The following TASP1 variants were observed in gnomAD, a reference collection of about 807,000 sequenced individuals.
TASP1 encodes the protein taspase 1.
In TASP1, 16 loss-of-function variants were observed where a neutral mutation model predicts 56.6. The observed-to-expected ratio is 0.28, with a 90% CI of 0.19 to 0.43. The LOEUF is 0.43. TASP1 is among the 20% of genes least tolerant of loss of function. The pLI is 1.00. For synonymous variants in TASP1, 179 were observed against 184.2 expected, an observed-to-expected ratio of 0.97 and a Z score of 0.23; for missense variants, 393 against 511.6, an observed-to-expected ratio of 0.77 and a Z score of 2.24.
intron 10 of TASP1, among the ~76,000 whole-genome samples, chr20:13,516,265 GGGCCATGAAGCA>G (rs1160690416): frequency 6.6e-6 from 1 of 152,096 alleles, no homozygotes; most frequent in Admixed American, 6.6e-5. Context: ...AGTCCAGCAA[GGGCCATGAAGCA>G]GCATGTCACA....
the TASP1 span, among the ~76,000 whole-genome samples, chr20:13,349,092 C>T: frequency 2.0e-5 from 3 of 152,096 alleles, no homozygotes; most frequent in African/African-American, 7.2e-5. Flanking sequence ...GATGGAACCT[C>T]GATGTCTGGA....
intron 10 of TASP1, among the ~76,000 whole-genome samples, chr20:13,520,757 G>T (rs1459013545): frequency 2.0e-5 from 3 of 152,126 alleles, no homozygotes; most frequent in South Asian, 4.1e-4. Flanking sequence ...GGCAACAAAA[G>T]CCAAAATTGA....
chr20:13,324,491 T>C, the TASP1 span, among the ~76,000 whole-genome samples: 1 of 152,200 alleles, frequency 6.6e-6, no homozygotes, highest in Non-Finnish European at 1.5e-5. Context: ...TTTACATCCT[T>C]ACTTCTCACT....
At chr20:13,485,676 C>T (rs554074575) in intron 10 of TASP1, among the ~76,000 whole-genome samples, 18 of 152,132 alleles carry the variant, frequency 1.2e-4, no homozygotes, top group Middle Eastern at 6.8e-3. Context: ...TTTTTATAAT[C>T]GGGAAAAAGA....
At chr20:13,387,685 G>A (rs1263981802), downstream of TASP1, among the ~76,000 whole-genome samples, 1 of 152,200 alleles carries the variant, frequency 6.6e-6, no homozygotes, top group African/African-American at 2.4e-5. Context: ...ACCTAGTAAT[G>A]GGATTATTGG....
chr20:13,164,919 C>T, the TASP1 span: 2 of 1,451,434 alleles, frequency 1.4e-6, no homozygotes, highest in East Asian at 4.8e-5. Flanking sequence ...GACCTCCCTC[C>T]TTGCCTCACA....
the TASP1 span, among the ~76,000 whole-genome samples, chr20:13,364,790 G>A: frequency 0.84 from 128,452 of 152,262 alleles, 54,725 homozygotes; most frequent in African/African-American, 0.96. Flanking sequence ...CCAAGGCCAA[G>A]TTAGAATGCC....
intron 10 of TASP1, among the ~76,000 whole-genome samples, chr20:13,501,165 TAAAC>T (rs905218248): frequency 2.6e-5 from 4 of 151,934 alleles, no homozygotes; most frequent in Non-Finnish European, 5.9e-5. Flanking sequence ...ATATTTCTGA[TAAAC>T]AAAGCTGGGA....
chr20:13,340,799 A>G, the TASP1 span, among the ~76,000 whole-genome samples: 3 of 152,188 alleles, frequency 2.0e-5, no homozygotes, highest in African/African-American at 7.2e-5. Context: ...TACCACTGAA[A>G]TCAACTTCAG....
the TASP1 span, among the ~76,000 whole-genome samples, chr20:13,355,816 C>T: frequency 1.3e-5 from 2 of 152,128 alleles, no homozygotes; most frequent in South Asian, 2.1e-4. Context: ...ACTTAACTGC[C>T]ACTGTGTAAT....
At chr20:13,199,931 G>A in the TASP1 span, among the ~76,000 whole-genome samples, 3 of 152,094 alleles carry the variant, frequency 2.0e-5, no homozygotes, top group South Asian at 2.1e-4. Flanking sequence ...TTCCACTTAC[G>A]TAGCTTTATC....
the TASP1 span, among the ~76,000 whole-genome samples, chr20:13,322,142 TCTC>T: frequency 6.6e-6 from 1 of 152,188 alleles, no homozygotes; most frequent in Non-Finnish European, 1.5e-5. Flanking sequence ...GTAAAGAGAT[TCTC>T]CTCCTGAACA....
chr20:13,460,328 T>C (rs1281470275), intron 11 of TASP1, among the ~76,000 whole-genome samples: 1 of 152,198 alleles, frequency 6.6e-6, no homozygotes, highest in Non-Finnish European at 1.5e-5. Flanking sequence ...CAGCCACTCC[T>C]CCTCAATCTC....
At chr20:13,264,671 C>T in the TASP1 span, among the ~76,000 whole-genome samples, 2 of 152,170 alleles carry the variant, frequency 1.3e-5, no homozygotes, top group East Asian at 1.9e-4. Flanking sequence ...AACACAGCCA[C>T]GATGAGCAAC....
intron 13 of TASP1, among the ~76,000 whole-genome samples, chr20:13,401,001 G>A (rs191706273): frequency 2.0e-5 from 3 of 152,194 alleles, no homozygotes; most frequent in East Asian, 3.9e-4. Context: ...TCTACAACAC[G>A]GGTTAGTCTC....
chr20:13,279,056 C>T, the TASP1 span, among the ~76,000 whole-genome samples: 3 of 152,138 alleles, frequency 2.0e-5, no homozygotes, highest in Non-Finnish European at 4.4e-5. Flanking sequence ...ATGCAGATCT[C>T]CAGGGAGGAG....
chr20:13,529,538 CA>C (rs752106433), intron 9 of TASP1, among the ~76,000 whole-genome samples: 6 of 152,024 alleles, frequency 3.9e-5, no homozygotes, highest in Non-Finnish European at 5.9e-5. Context: ...TTTGGCATGG[CA>C]TTATGTGGAA....
chr20:13,397,009 C>T (rs1327220448), intron 13 of TASP1, among the ~76,000 whole-genome samples: 1 of 152,204 alleles, frequency 6.6e-6, no homozygotes, highest in Non-Finnish European at 1.5e-5. Flanking sequence ...TCACTGACAC[C>T]ACACTTCAGT....
At chr20:13,442,326 C>T (rs2043246273) in intron 11 of TASP1, among the ~76,000 whole-genome samples, 1 of 151,876 alleles carries the variant, frequency 6.6e-6, no homozygotes, top group African/African-American at 2.4e-5. Flanking sequence ...CACACACATA[C>T]TCCTGCCTAC....
Sources: allele counts gnomAD v4.1 joint callset (sites outside exome capture counted in the v4.1 genomes callset), GRCh38; gene constraint gnomAD v4.1.1; transcripts MANE v1.5; gene names NCBI Gene and HGNC (gene_info 2026-07-23, HGNC 2026-07-21).